The following MYO6 variants were observed in gnomAD, a reference collection of about 807,000 sequenced individuals.
MYO6 encodes unconventional myosin-VI.
A neutral mutation model predicts 178.7 loss-of-function variants in MYO6; 74 were observed. The ratio of observed to expected loss-of-function variants is 0.41; its 90% CI spans 0.34 to 0.50. The LOEUF (loss-of-function observed/expected upper bound fraction) is 0.50, where lower values mean the gene tolerates loss of function less well. Among genes scored for constraint, MYO6 ranks in the 20% least tolerant of loss-of-function variants. The pLI, the probability that MYO6 is intolerant of heterozygous loss-of-function variation, is 0.09. For missense variants in MYO6, 1,330 were observed against 1,547.4 expected, an observed-to-expected ratio of 0.86 and a Z score of 2.36; for synonymous variants, 477 against 504.6, an observed-to-expected ratio of 0.95 and a Z score of 0.73.
Position 75,890,239 on chromosome 6 carries a change from A to G in MYO6, c.2841A>G (p.Arg947=), listed in dbSNP as rs769715949. 46 of 1,613,384 alleles carry G rather than the reference A, an allele frequency of 2.9e-5. No individual in the cohort carries two copies. In the South Asian group the frequency reaches 4.9e-4, roughly 17 times the overall value. ...GACGTGAAGAAGACGAAAAACGTCG[A>G]AGAAAGGAAGAGGAGGAAAGGCGGA... ...RKRREEDEKR[R]RKEEEERRMK... Residue 947 remains arginine, a synonymous_variant, in exon 26 of 35, where the codon CGA becomes CGG. Coordinates refer to ENST00000369977, the MANE Select transcript of MYO6 (RefSeq NM_004999.4).
At chr6:75,806,469 A>G (rs968811623) in intron 1 of MYO6, among the ~76,000 whole-genome samples, 6 of 152,182 alleles carry the variant, frequency 3.9e-5, no homozygotes, top group Non-Finnish European at 7.3e-5. Flanking sequence ...TATCACATAG[A>G]ATAAGACATG....
intron 15 of MYO6, among the ~76,000 whole-genome samples, chr6:75,861,652 C>T (rs964443628): frequency 2.0e-5 from 3 of 152,186 alleles, no homozygotes; most frequent in African/African-American, 4.8e-5. Flanking sequence ...CATTTCTTTC[C>T]CACCCCATCT....
chr6:75,890,335 A>G, intron 26 of MYO6, 70 bp downstream of exon 26: 2 of 1,595,608 alleles, frequency 1.3e-6, no homozygotes, highest in Non-Finnish European at 1.7e-6. Context: ...GACAGTGGTT[A>G]ATGACAATTA....
At chr6:75,907,980 T>G (rs1342975591) in intron 31 of MYO6, among the ~76,000 whole-genome samples, 1 of 152,226 alleles carries the variant, frequency 6.6e-6, no homozygotes, top group African/African-American at 2.4e-5. Flanking sequence ...AGTTATGTTC[T>G]TATTTAAATC....
chr6:75,837,687 A>G (rs1773785512), intron 7 of MYO6, among the ~76,000 whole-genome samples: 2 of 152,234 alleles, frequency 1.3e-5, no homozygotes, highest in South Asian at 4.1e-4. Flanking sequence ...AAACATTTTT[A>G]AAGTTGAGCA....
chr6:75,834,487 C>A (rs1173608151), intron 6 of MYO6, among the ~76,000 whole-genome samples: 1 of 152,158 alleles, frequency 6.6e-6, no homozygotes, highest in African/African-American at 2.4e-5. Context: ...CCCACTTTGA[C>A]CTCCTAAAGT....
In MYO6 at chr6:75,751,762, T is replaced by TAGAAAGTTTTAA. The variant is rs575286066; in HGVS notation, c.-48+2343_-48+2354dup. On this transcript the variant is annotated intron_variant, in intron 1 of 34. Transcript: ENST00000369977. ...CTGGGTTCCAAAATGTAGCTTTCTT[T>TAGAAAGTTTTAA]AGAAAGTTTTAAAGACTTTGACCAT... Among the ~76,000 whole-genome samples the TAGAAAGTTTTAA allele has an allele frequency of 1.1e-3, 167 of 152,278 alleles. 3 individuals carry two copies. The highest frequency in any genetic ancestry group is 9.4e-3 in the Admixed American group (143 of 15,286).
intron 26 of MYO6, among the ~76,000 whole-genome samples, chr6:75,890,634 C>T (rs915639965): frequency 2.0e-5 from 3 of 152,162 alleles, no homozygotes; most frequent in South Asian, 4.1e-4. Flanking sequence ...CGTGAGCCAC[C>T]GTGCTCGGTT....
chr6:75,842,257 C>T (rs576427291), intron 9 of MYO6, among the ~76,000 whole-genome samples: 7 of 151,974 alleles, frequency 4.6e-5, no homozygotes, highest in African/African-American at 1.2e-4. Context: ...TTTCTAGGAG[C>T]GGTGACTGGG....
chr6:75,769,773 G>A (rs1308178832), intron 1 of MYO6, among the ~76,000 whole-genome samples: 1 of 152,214 alleles, frequency 6.6e-6, no homozygotes, highest in Non-Finnish European at 1.5e-5. Flanking sequence ...GGTGGCACAT[G>A]CCTGTAATCC....
At chr6:75,911,641 C>T (rs754741908) in intron 32 of MYO6, 31 bp from the exon 33 acceptor site, 4 of 1,596,988 alleles carry the variant, frequency 2.5e-6, no homozygotes, top group Non-Finnish European at 3.4e-6. Context: ...GCATTTTTAT[C>T]TTTTCTTCAA....
At chr6:75,877,238 G>A (rs531844120) in intron 20 of MYO6, among the ~76,000 whole-genome samples, 1 of 151,306 alleles carries the variant, frequency 6.6e-6, no homozygotes, top group Non-Finnish European at 1.5e-5. Flanking sequence ...CTCCCAAAGT[G>A]CTGGGATTAC....
rs187423204 is a variant in MYO6, at chr6:75,814,582, A to T, written c.-47-2919A>T. ...GCGTAGGATTTGAAGATATTTCAGG[A>T]TGAGCACAGTGGCTCACGCCTGTAA... On this transcript the variant is annotated intron_variant, in intron 1 of 34. Coordinates refer to ENST00000369977, the MANE Select transcript of MYO6 (RefSeq NM_004999.4). Among the ~76,000 whole-genome samples the T allele has an allele frequency of 2.3e-4, 35 of 152,248 alleles. No homozygotes were observed. The East Asian group carries it at 6.2e-3, about 27-fold the overall frequency.
Position 75,857,164 on chromosome 6 carries a change from C to G in MYO6, c.1291C>G (p.Leu431Val), listed in dbSNP as rs1322172288. 6.2e-7 allele frequency: 1 copy of G among 1,614,018 alleles called. No homozygotes were observed. The change falls in exon 13 of 35, where the codon CTT (leucine) becomes GTT (valine). Residue 431 changes from leucine to valine, a missense_variant. Coordinates refer to ENST00000369977, the MANE Select transcript of MYO6 (RefSeq NM_004999.4). ...CCTGGCAAAGACAGTGTATAGCCAT[C>G]TTTTTGATCATGTGGTAAACAGAGT... ...DALAKTVYSHLFDHVVNRVNQ... is the reference protein window; with the variant it reads ...DALAKTVYSHVFDHVVNRVNQ...
Position 75,918,099 on chromosome 6 carries a change from C to G in MYO6, c.*3087C>G, listed in dbSNP as rs988194231. 6.6e-6 allele frequency: 1 copy of G among 152,160 alleles called. No individual in the cohort carries two copies. The highest frequency in any genetic ancestry group is 2.4e-5 in the African/African-American group (1 of 41,456). The allele number at this position is 152,160 out of a possible 1,614,324, so 9.4% of individuals were successfully genotyped here. On this transcript the variant is annotated 3_prime_UTR_variant, in exon 35 of 35. Coordinates refer to ENST00000369977, the MANE Select transcript of MYO6 (RefSeq NM_004999.4). ...TCATATGTAACAAAAAGAACCAAAA[C>G]AAACACTTTTTAGTGGCACCTGTGG... is the stretch of plus-strand genomic sequence containing the variant.
At position 75,866,927 on chromosome 6, in the gene MYO6, T is replaced by G; in HGVS notation, c.1771-5T>G. ...AGAAACATTCCTGTTTGATTTATTT[T>G]TCAGACCCAGTTTGTGGAGAAAAAT... On this transcript the variant is annotated splice_polypyrimidine_tract_variant and splice_region_variant and intron_variant, in intron 17 of 34. Transcript: ENST00000369977. 6.2e-7 allele frequency: 1 copy of G among 1,613,718 alleles called. No individual in the cohort carries two copies. Among genetic ancestry groups the G allele is most frequent in the Non-Finnish European group, 8.5e-7 (1 of 1,179,734 alleles).
chr6:75,905,367 A>C (rs1780204723), intron 30 of MYO6, among the ~76,000 whole-genome samples: 2 of 152,080 alleles, frequency 1.3e-5, no homozygotes, highest in Non-Finnish European at 2.9e-5. Context: ...TGCTAGCAAG[A>C]GACTCCGTGG....
chr6:75,918,021 A>G lies in MYO6; in HGVS notation c.*3009A>G, dbSNP rs1266346046. ...TATGGAAGAGGTAACAGATCCAGAG[A>G]GGTCAAGTAATTTAGTTGTAGACTG... is the stretch of plus-strand genomic sequence containing the variant. On this transcript the variant is annotated 3_prime_UTR_variant, in exon 35 of 35. Transcript: ENST00000369977. The G allele has an allele frequency of 6.6e-6, 1 of 152,432 alleles. No homozygotes were observed. The highest frequency in any genetic ancestry group is 1.5e-5 in the Non-Finnish European group (1 of 68,042). The allele number at this position is 152,432 out of a possible 1,614,324, so 9.4% of individuals were successfully genotyped here.
At chr6:75,823,368 T>G (rs937840801) in intron 3 of MYO6, among the ~76,000 whole-genome samples, 2 of 152,230 alleles carry the variant, frequency 1.3e-5, no homozygotes, top group African/African-American at 2.4e-5. Context: ...TGAAAAAAGC[T>G]CTTCTCGATG....
Sources: allele counts gnomAD v4.1 joint callset (sites outside exome capture counted in the v4.1 genomes callset), GRCh38; gene constraint gnomAD v4.1.1; transcripts MANE v1.5; gene names NCBI Gene and HGNC (gene_info 2026-07-23, HGNC 2026-07-21).